GPR158: variants seen among roughly 807,000 people sequenced by gnomAD.
GPR158 encodes metabotropic glycine receptor.
In GPR158, 30 loss-of-function variants were observed where a neutral mutation model predicts 78.2. The ratio of observed to expected loss-of-function variants is 0.38; its 90% CI spans 0.29 to 0.52. The LOEUF is 0.52. GPR158 is among the 20% of genes least tolerant of loss of function. The pLI is 0.83. For synonymous variants in GPR158, 581 were observed against 591.1 expected (o/e 0.98, Z 0.25); for missense variants, 1,463 against 1,523.5 (o/e 0.96, Z 0.66).
chr10:25,181,588 T>C (rs1015562059), intron 1 of GPR158, among the ~76,000 whole-genome samples: 11 of 152,226 alleles, frequency 7.2e-5, no homozygotes, highest in African/African-American at 2.7e-4. Flanking sequence ...ACTTAGGGTG[T>C]TACCAGAGGC....
At chr10:25,595,199 C>CA (rs1007839953) in intron 9 of GPR158, among the ~76,000 whole-genome samples, 10 of 152,298 alleles carry the variant, frequency 6.6e-5, no homozygotes, top group African/African-American at 2.4e-4. Flanking sequence ...GGCTTTTCCT[C>CA]AAGTCTCACA....
At position 25,598,090 on chromosome 10, in the gene GPR158, G is replaced by A. The variant is rs1269167656; in HGVS notation, c.2464G>A (p.Asp822Asn). The A allele has an allele frequency of 6.2e-7, 1 of 1,613,886 alleles. No homozygotes were observed. Among genetic ancestry groups the A allele is most frequent in the Admixed American group, 1.7e-5 (1 of 60,002 alleles). Residue 822 changes from aspartate (D) to asparagine (N), a missense_variant, in exon 11 of 11, where the codon GAC becomes AAC. By Grantham distance (23) the Asp-to-Asn change is conservative. Transcript: ENST00000376351. ...ACTCAAGAAATCCCACAGCACTTATGACCACGTGAGAGACCAAACGGAAGA... is the reference window on the plus strand; with the variant it reads ...ACTCAAGAAATCCCACAGCACTTATAACCACGTGAGAGACCAAACGGAAGA... ...FSLKKSHSTY[D>N]HVRDQTEESS... is the part of the protein sequence containing the mutation.
At chr10:25,523,993 G>A (rs576521730) in intron 5 of GPR158, among the ~76,000 whole-genome samples, 8 of 151,952 alleles carry the variant, frequency 5.3e-5, no homozygotes, top group South Asian at 2.1e-4. Flanking sequence ...TGCAGAATAC[G>A]AGATCAGAAT....
chr10:25,427,767 T>C (rs1025507898), intron 4 of GPR158, among the ~76,000 whole-genome samples: 1 of 152,078 alleles, frequency 6.6e-6, no homozygotes, highest in Non-Finnish European at 1.5e-5. Context: ...TTGCGGACTT[T>C]GGATTGAATT....
At chr10:25,352,461 C>A (rs1203808646) in intron 2 of GPR158, among the ~76,000 whole-genome samples, 1 of 151,940 alleles carries the variant, frequency 6.6e-6, no homozygotes, top group Non-Finnish European at 1.5e-5. Context: ...TTTTTAGAAC[C>A]TTCCACATAA....
chr10:25,222,034 A>G (rs1165043567), intron 2 of GPR158, among the ~76,000 whole-genome samples: 1 of 152,134 alleles, frequency 6.6e-6, no homozygotes, highest in Non-Finnish European at 1.5e-5. Flanking sequence ...TAAGGAAGGA[A>G]TTTTAAATCA....
chr10:25,579,446 T>G (rs1190947313), intron 7 of GPR158, among the ~76,000 whole-genome samples: 1 of 152,170 alleles, frequency 6.6e-6, no homozygotes, highest in Non-Finnish European at 1.5e-5. Flanking sequence ...AAATTTAAAA[T>G]ACATTTATTT....
rs1459701576 is a variant in GPR158, at chr10:25,178,521, T to A, written c.902+2199T>A. The stretch of plus-strand genomic sequence containing the variant: ...GGCTGAGGACACAAAGAGTCTCAGG[T>A]TGAGAGGGCTCAGACACTCCCTGTT... On this transcript the variant is annotated intron_variant, in intron 1 of 10. Coordinates refer to ENST00000376351, the MANE Select transcript of GPR158 (RefSeq NM_020752.3). Among the ~76,000 whole-genome samples, 8 of 152,204 alleles carry A rather than the reference T, an allele frequency of 5.3e-5. No homozygotes were observed. The South Asian group carries it at 1.0e-3, about 20-fold the overall frequency.
chr10:25,183,298 C>G (rs1287459969), intron 1 of GPR158, among the ~76,000 whole-genome samples: 3 of 152,124 alleles, frequency 2.0e-5, no homozygotes, highest in Non-Finnish European at 4.4e-5. Context: ...CCTCCACACC[C>G]TCCTCTTTCC....
intron 1 of GPR158, among the ~76,000 whole-genome samples, chr10:25,211,648 G>C (rs2130670150): frequency 6.6e-6 from 1 of 152,202 alleles, no homozygotes; most frequent in South Asian, 2.1e-4. Context: ...ACGAACTCTG[G>C]GGGACACATT....
At chr10:25,421,334 A>G (rs1169715547) in intron 4 of GPR158, among the ~76,000 whole-genome samples, 1 of 152,138 alleles carries the variant, frequency 6.6e-6, no homozygotes, top group Non-Finnish European at 1.5e-5. Context: ...TTAGCAATTG[A>G]TGTTCCTCCT....
chr10:25,402,930 A>G (rs1834466382), intron 3 of GPR158, among the ~76,000 whole-genome samples: 4 of 151,752 alleles, frequency 2.6e-5, no homozygotes, highest in Non-Finnish European at 5.9e-5. Flanking sequence ...TAATATAAAA[A>G]TATTATATAC....
chr10:25,227,500 A>G (rs1248926612), intron 2 of GPR158, among the ~76,000 whole-genome samples: 1 of 152,180 alleles, frequency 6.6e-6, no homozygotes, highest in Non-Finnish European at 1.5e-5. Flanking sequence ...GTCTATTCAC[A>G]TATAATTAGG....
chr10:25,421,164 C>T (rs1391951251), intron 4 of GPR158, among the ~76,000 whole-genome samples: 1 of 152,074 alleles, frequency 6.6e-6, no homozygotes, highest in Non-Finnish European at 1.5e-5. Flanking sequence ...AGTATATGAG[C>T]CTTTTGCCTC....
At chr10:25,502,770 A>T (rs1480085571) in intron 5 of GPR158, among the ~76,000 whole-genome samples, 2 of 152,134 alleles carry the variant, frequency 1.3e-5, no homozygotes, top group Admixed American at 1.3e-4. Context: ...CTGCATGTGT[A>T]CCTTTCACAT....
At chr10:25,299,661 A>G (rs1184802877) in intron 2 of GPR158, among the ~76,000 whole-genome samples, 1 of 152,066 alleles carries the variant, frequency 6.6e-6, no homozygotes. Flanking sequence ...TAATTTTTGT[A>G]TCTTAGCTAT....
chr10:25,385,016 T>G (rs1178024375), intron 2 of GPR158, among the ~76,000 whole-genome samples: 1 of 152,214 alleles, frequency 6.6e-6, no homozygotes, highest in East Asian at 1.9e-4. Flanking sequence ...CCTATTTAAC[T>G]GTACAATTTG....
chr10:25,284,093 C>T (rs1417902985), intron 2 of GPR158, among the ~76,000 whole-genome samples: 1 of 151,982 alleles, frequency 6.6e-6, no homozygotes, highest in Non-Finnish European at 1.5e-5. Flanking sequence ...TCTGCTTTTG[C>T]TGGGTAGAGT....
At chr10:25,219,350 A>G (rs928361013) in intron 1 of GPR158, among the ~76,000 whole-genome samples, 1 of 152,214 alleles carries the variant, frequency 6.6e-6, no homozygotes, top group Non-Finnish European at 1.5e-5. Flanking sequence ...GACGATAAAA[A>G]TTTGTTGAAA....
Sources: allele counts gnomAD v4.1 joint callset (sites outside exome capture counted in the v4.1 genomes callset), GRCh38; gene constraint gnomAD v4.1.1; transcripts MANE v1.5; gene names NCBI Gene and HGNC (gene_info 2026-07-23, HGNC 2026-07-21).